Variants in ARL15 observed in about 807,000 individuals in gnomAD.
ARL15 encodes ADP-ribosylation factor-like protein 15.
Under a neutral mutation model 25.2 loss-of-function variants are expected in ARL15, and 19 were observed. The ratio of observed to expected loss-of-function variants is 0.75; its 90% CI spans 0.53 to 1.10. ARL15 has a LOEUF of 1.10. ARL15 is among the 50% of genes least tolerant of loss of function. The pLI, the probability that ARL15 is intolerant of heterozygous loss-of-function variation, is 0.00. For missense variants in ARL15, 220 were observed against 246.0 expected, an observed-to-expected ratio of 0.89 and a Z score of 0.71; for synonymous variants, 94 against 86.8, an observed-to-expected ratio of 1.08 and a Z score of -0.46.
chr5:53,912,377 G>A (rs1046557340), intron 4 of ARL15, among the ~76,000 whole-genome samples: 1 of 152,000 alleles, frequency 6.6e-6, no homozygotes, highest in African/African-American at 2.4e-5. Context: ...ACAAAAAAAC[G>A]GTTTTCAATG....
intron 1 of ARL15, among the ~76,000 whole-genome samples, chr5:54,252,660 C>A (rs887006174): frequency 6.6e-6 from 1 of 152,148 alleles, no homozygotes; most frequent in Non-Finnish European, 1.5e-5. Flanking sequence ...CTGAAGACTG[C>A]AGCCAGGGAC....
chr5:54,011,347 T>A (rs567802473), intron 4 of ARL15, among the ~76,000 whole-genome samples: 32 of 152,226 alleles, frequency 2.1e-4, no homozygotes, highest in Non-Finnish European at 4.0e-4. Flanking sequence ...CAACTTTCTA[T>A]ATGACCCGTT....
chr5:54,175,458 C>T (rs923632034), intron 1 of ARL15, among the ~76,000 whole-genome samples: 2 of 152,004 alleles, frequency 1.3e-5, no homozygotes, highest in Admixed American at 6.6e-5. Context: ...CCTCGGCTTC[C>T]TGAGTAGCTG....
chr5:54,221,719 C>T (rs879480793), intron 1 of ARL15, among the ~76,000 whole-genome samples: 10 of 151,964 alleles, frequency 6.6e-5, no homozygotes, highest in Admixed American at 5.9e-4. Context: ...TATAAACAAG[C>T]CACATTTAAT....
intron 4 of ARL15, among the ~76,000 whole-genome samples, chr5:53,935,320 C>A (rs143223836): frequency 7.6e-4 from 114 of 150,726 alleles, no homozygotes; most frequent in African/African-American, 2.7e-3. Context: ...CAAGCAGATA[C>A]ATGTTTGTGC....
chr5:54,115,661 A>C (rs2112226580), intron 3 of ARL15, among the ~76,000 whole-genome samples: 1 of 152,332 alleles, frequency 6.6e-6, no homozygotes, highest in Admixed American at 6.5e-5. Flanking sequence ...TACAAAAATA[A>C]CTAGGTATAT....
At chr5:53,897,233 T>C (rs1744902591) in intron 4 of ARL15, among the ~76,000 whole-genome samples, 1 of 152,236 alleles carries the variant, frequency 6.6e-6, no homozygotes, top group Admixed American at 6.5e-5. Context: ...GAACCATTAA[T>C]AGTCATCCCC....
At position 54,232,621 on chromosome 5, in the gene ARL15, G is replaced by A. The variant is rs562405576; in HGVS notation, c.49-60693C>T. 7.9e-5 allele frequency among the ~76,000 whole-genome samples: 12 copies of A among 152,280 alleles called. No homozygotes were observed. The South Asian group carries it at 2.5e-3, about 32-fold the overall frequency. On this transcript the variant is annotated intron_variant, in intron 1 of 4. Coordinates refer to ENST00000504924, the MANE Select transcript of ARL15 (RefSeq NM_019087.3). ...GGAGAAACAGGGCAGAGTGGGAAGG[G>A]CAGGGGTGCTTAATTAAAGACGCAT...
At position 54,113,361 on chromosome 5, in the gene ARL15, T is replaced by C. The variant is rs376883480; in HGVS notation, c.303A>G (p.Gln101=). Residue 101 remains glutamine (Q), a synonymous_variant, in exon 4 of 5, where the codon CAA becomes CAG. Coordinates refer to ENST00000504924, the MANE Select transcript of ARL15 (RefSeq NM_019087.3). ...CACTGTCTAATACAAATATTACCCCTTGAGATCCTTGGTAGTAGCGGCTCC... is the reference window on the plus strand; with the variant it reads ...CACTGTCTAATACAAATATTACCCCCTGAGATCCTTGGTAGTAGCGGCTCC... The part of the protein sequence containing the change: ...KYWSRYYQGS[Q]GVIFVLDSAS... The C allele has an allele frequency of 3.7e-6, 6 of 1,613,852 alleles. No individual in the cohort carries two copies. The African/African-American group carries it at 6.7e-5, about 18-fold the overall frequency.
chr5:54,093,064 A>T (rs1391564629), intron 4 of ARL15, among the ~76,000 whole-genome samples: 1 of 152,222 alleles, frequency 6.6e-6, no homozygotes, highest in African/African-American at 2.4e-5. Context: ...ATATAAAGGA[A>T]GTATTCATAA....
chr5:53,900,280 T>C (rs985415678), intron 4 of ARL15, among the ~76,000 whole-genome samples: 12 of 152,208 alleles, frequency 7.9e-5, no homozygotes, highest in African/African-American at 2.9e-4. Context: ...GCAGGTGTGA[T>C]TGAACCACAA....
At position 54,234,156 on chromosome 5, in the gene ARL15, C is replaced by A. The variant is rs546143767; in HGVS notation, c.49-62228G>T. Among the ~76,000 whole-genome samples, 4 of 152,032 alleles carry A rather than the reference C, an allele frequency of 2.6e-5. No individual in the cohort carries two copies. In the South Asian group the frequency reaches 6.3e-4, roughly 24 times the overall value. ...GATTATAGGCGCGTGCCACCAAGCC[C>A]GGCTAATTTTTTTATTTTTGTAGAG... On this transcript the variant is annotated intron_variant, in intron 1 of 4. Coordinates refer to ENST00000504924, the MANE Select transcript of ARL15 (RefSeq NM_019087.3).
intron 1 of ARL15, among the ~76,000 whole-genome samples, chr5:54,269,088 G>T (rs1212896775): frequency 6.6e-6 from 1 of 151,778 alleles, no homozygotes; most frequent in Non-Finnish European, 1.5e-5. Flanking sequence ...GGGGTGGGGG[G>T]TAGGGATAGC....
At chr5:54,008,620 A>C (rs1749126994) in intron 4 of ARL15, among the ~76,000 whole-genome samples, 2 of 151,414 alleles carry the variant, frequency 1.3e-5, no homozygotes, top group South Asian at 4.2e-4. Flanking sequence ...ACGTCCCTTT[A>C]GCTACTGCAG....
intron 4 of ARL15, among the ~76,000 whole-genome samples, chr5:53,988,429 G>T (rs1426940802): frequency 6.6e-6 from 1 of 151,950 alleles, no homozygotes; most frequent in Non-Finnish European, 1.5e-5. Context: ...CAGGTGAGTT[G>T]AGTTACAAGT....
At chr5:54,236,482 G>A (rs1756813037) in intron 1 of ARL15, among the ~76,000 whole-genome samples, 1 of 151,440 alleles carries the variant, frequency 6.6e-6, no homozygotes, top group South Asian at 2.1e-4. Context: ...CCACTAAGGA[G>A]CATACTCATC....
At chr5:54,085,027 T>C (rs370260847) in intron 4 of ARL15, among the ~76,000 whole-genome samples, 3 of 152,298 alleles carry the variant, frequency 2.0e-5, no homozygotes, top group East Asian at 3.9e-4. Context: ...ACCGTGAAAT[T>C]TGAGAATCCA....
At chr5:54,117,477 A>G (rs948576457) in intron 3 of ARL15, among the ~76,000 whole-genome samples, 3 of 152,124 alleles carry the variant, frequency 2.0e-5, no homozygotes, top group East Asian at 1.9e-4. Flanking sequence ...TAATATATTA[A>G]TAGTGAAAAG....
chr5:53,929,780 C>CA (rs1324684037), intron 4 of ARL15, among the ~76,000 whole-genome samples: 29 of 152,048 alleles, frequency 1.9e-4, no homozygotes, highest in African/African-American at 7.0e-4. Flanking sequence ...GCTTCTCAGT[C>CA]AAAGTCCCCC....
Sources: allele counts gnomAD v4.1 joint callset (sites outside exome capture counted in the v4.1 genomes callset), GRCh38; gene constraint gnomAD v4.1.1; transcripts MANE v1.5; gene names NCBI Gene and HGNC (gene_info 2026-07-23, HGNC 2026-07-21).